ZNF74: variants seen among roughly 807,000 people sequenced by gnomAD.
The protein encoded by ZNF74 is zinc finger protein 520.
A neutral mutation model predicts 17.7 loss-of-function variants in ZNF74; 12 were observed. The ratio of observed to expected loss-of-function variants is 0.68; its 90% CI spans 0.43 to 1.10. The LOEUF (loss-of-function observed/expected upper bound fraction) is 1.10. Ranked by LOEUF, ZNF74 falls within the 50% of genes least tolerant of loss-of-function variation. The pLI is 0.00. For synonymous variants in ZNF74, 358 were observed against 362.1 expected (o/e 0.99, Z 0.13); for missense variants, 811 against 881.0 (o/e 0.92, Z 1.01).
Position 20,406,651 on chromosome 22 carries a change from AACC to A in ZNF74, c.1621_1623del (p.His541del). ...CGAGTGCGGCAGAGCCTTCAGCCAG[AACC>A]ACTGTCTCATTAAACATCAGAAAAT... is the stretch of plus-strand genomic sequence containing the variant. On this transcript the variant is annotated inframe_deletion, in exon 5 of 5. Coordinates refer to ENST00000400451, the MANE Select transcript of ZNF74 (RefSeq NM_003426.4). 6.2e-7 allele frequency: 1 copy of A among 1,614,236 alleles called. No homozygotes were observed. Among genetic ancestry groups the A allele is most frequent in the African/African-American group, 1.3e-5 (1 of 75,060 alleles).
rs555270649 is a variant in ZNF74 at position 20,394,326 on chromosome 22, C to G, written c.-303C>G. ...GAACCTTAGGCCTGGCCCTGGTCTC[C>G]GAGCGCGGGTTCGCCGGGAGGAGCG... On this transcript the variant is annotated 5_prime_UTR_variant, in exon 1 of 5. Coordinates refer to ENST00000400451, the MANE Select transcript of ZNF74 (RefSeq NM_003426.4). The G allele has an allele frequency of 1.4e-6, 1 of 697,364 alleles. No individual in the cohort carries two copies. Among genetic ancestry groups the G allele is most frequent in the Non-Finnish European group, 2.7e-6 (1 of 377,166 alleles). 43.2% of individuals were successfully genotyped at this position (697,364 alleles called of 1,614,324 possible).
chr22:20,405,612 G>A lies in ZNF74; in HGVS notation c.579G>A (p.Glu193=). 1 of 1,613,148 alleles carries A rather than the reference G, an allele frequency of 6.2e-7. No individual in the cohort carries two copies. Residue 193 remains glutamate (E), a synonymous_variant, in exon 5 of 5, where the codon GAG becomes GAA. Coordinates refer to ENST00000400451, the MANE Select transcript of ZNF74 (RefSeq NM_003426.4). ...TCTTCGCCCAGCAACGCGTTCCCGA[G>A]GGGGGACCCTTGCTGGACACACGCA... ...CPLFAQQRVP[E]GGPLLDTRKN... is the part of the protein sequence containing the mutation.
Position 20,407,973 on chromosome 22 carries a change from T to A in ZNF74, c.*1005T>A, listed in dbSNP as rs1439833586. The A allele has an allele frequency of 6.6e-6, 1 of 152,166 alleles. No individual in the cohort carries two copies. Among genetic ancestry groups the A allele is most frequent in the African/African-American group, 2.4e-5 (1 of 41,426 alleles). 9.4% of individuals were successfully genotyped at this position (152,166 alleles called of 1,614,324 possible). ...GCATTCAGGGAAGATGGGCACAACA[T>A]CAGGATGGGTGTGTCTGGAAGCTCC... is the stretch of plus-strand genomic sequence containing the variant. On this transcript the variant is annotated 3_prime_UTR_variant, in exon 5 of 5. Coordinates refer to ENST00000400451, the MANE Select transcript of ZNF74 (RefSeq NM_003426.4).
At chr22:20,394,761 C>T (rs1601262365) in intron 1 of ZNF74, 99 bp downstream of exon 1, 165 of 909,974 alleles carry the variant, frequency 1.8e-4, no homozygotes, top group South Asian at 3.8e-4. Flanking sequence ...CATCCAGCAT[C>T]TTTTTTTTTT....
At position 20,405,591 on chromosome 22, in the gene ZNF74, C is replaced by A. The variant is rs754349423; in HGVS notation, c.558C>A (p.Phe186Leu). The A allele has an allele frequency of 1.2e-6, 2 of 1,612,652 alleles. No homozygotes were observed. The highest frequency in any genetic ancestry group is 1.7e-6 in the Non-Finnish European group (2 of 1,179,294). ...AATTCCCCCTCAGGTGTCCCCTCTT[C>A]GCCCAGCAACGCGTTCCCGAGGGGG... is the stretch of plus-strand genomic sequence containing the variant. ...VEEFPLRCPLFAQQRVPEGGP... is the reference protein window; with the variant it reads ...VEEFPLRCPLLAQQRVPEGGP... The change falls in exon 5 of 5, where the codon TTC becomes TTA. Residue 186 changes from phenylalanine (F) to leucine (L), a missense_variant. This residue lies in a region of ZNF74 where 666 missense variants were observed against 702.3 expected (regional missense o/e 0.95). Transcript: ENST00000400451.
chr22:20,397,054 G>A (rs902890336), intron 2 of ZNF74, among the ~76,000 whole-genome samples: 2 of 145,706 alleles, frequency 1.4e-5, no homozygotes, highest in African/African-American at 2.5e-5. Context: ...TACCTGTGGA[G>A]CTATTTTTTT....
At chr22:20,403,899 G>T (rs923409978) in intron 4 of ZNF74, among the ~76,000 whole-genome samples, 7 of 152,096 alleles carry the variant, frequency 4.6e-5, no homozygotes, top group African/African-American at 1.7e-4. Context: ...ACCTTGCCAG[G>T]GTCACCTCTC....
In ZNF74 at chr22:20,395,495, C is replaced by T. The variant is rs960292396; in HGVS notation, c.120+77C>T. 1.3e-5 allele frequency: 15 copies of T among 1,163,896 alleles called. No individual in the cohort carries two copies. In the African/African-American group the frequency reaches 1.7e-4, roughly 13 times the overall value. 72.1% of individuals were successfully genotyped at this position (1,163,896 alleles called of 1,614,324 possible). A position where few individuals can be genotyped will look rare whatever the true frequency, so the allele number is the denominator to read the frequency against. Reference sequence around the variant, plus strand: ...TCCCCAGCCCTGGATCGTCAGCCTTCCACAGACCTTCACCCGGGTACCTGC... The same window carrying T: ...TCCCCAGCCCTGGATCGTCAGCCTTTCACAGACCTTCACCCGGGTACCTGC... On this transcript the variant is annotated intron_variant, in intron 2 of 4. Transcript: ENST00000400451.
Position 20,405,683 on chromosome 22 carries a change from T to C in ZNF74, c.650T>C (p.Leu217Pro), listed in dbSNP as rs1421646241. ...GGCAGAACCAAGGCCCCCGCGAGACTGTGTGCAGGGGAAAACGCCTCCACG... is the reference window on the plus strand; with the variant it reads ...GGCAGAACCAAGGCCCCCGCGAGACCGTGTGCAGGGGAAAACGCCTCCACG... ...TEGRTKAPAR[L>P]CAGENASTPS... The change falls in exon 5 of 5, where the codon CTG (leucine) becomes CCG (proline). Residue 217 changes from leucine to proline, a missense_variant. Around this residue, in one of 3 missense-constraint regions of ZNF74, gnomAD observed 666 missense variants for 702.3 expected, o/e 0.95. Transcript: ENST00000400451. 1.2e-6 allele frequency: 2 copies of C among 1,609,526 alleles called. No homozygotes were observed. Among genetic ancestry groups the C allele is most frequent in the Admixed American group, 1.7e-5 (1 of 59,326 alleles).
chr22:20,401,237 G>A lies in ZNF74; in HGVS notation c.248-40G>A, dbSNP rs2283787. On this transcript the variant is annotated intron_variant, in intron 3 of 4. Coordinates refer to ENST00000400451, the MANE Select transcript of ZNF74 (RefSeq NM_003426.4). The surrounding 1 kb of genome is among the most constrained non-coding windows in gnomAD (Gnocchi z 4.2). ...GCCTGTAAGGTCGACTGGGCCTGGAGAGCTGCAGCATGCCCAGCCCACTTT... is the reference window on the plus strand; with the variant it reads ...GCCTGTAAGGTCGACTGGGCCTGGAAAGCTGCAGCATGCCCAGCCCACTTT... 35,588 of 1,428,914 alleles carry A rather than the reference G, an allele frequency of 0.025. 4,595 individuals carry two copies. In the East Asian group the frequency reaches 0.34, roughly 14 times the overall value. The allele number at this position is 1,428,914 out of a possible 1,614,324, so 88.5% of individuals were successfully genotyped here.
intron 2 of ZNF74, among the ~76,000 whole-genome samples, chr22:20,398,696 T>A (rs896467803): frequency 6.6e-6 from 1 of 152,180 alleles, no homozygotes; most frequent in African/African-American, 2.4e-5. Flanking sequence ...AGATTTCTGA[T>A]CCTTATTATC....
At chr22:20,397,269 T>C (rs1268726274) in intron 2 of ZNF74, among the ~76,000 whole-genome samples, 2 of 152,094 alleles carry the variant, frequency 1.3e-5, no homozygotes, top group Non-Finnish European at 2.9e-5. Flanking sequence ...CATTTTCTCC[T>C]TCCCTCGGCT....
At chr22:20,396,078 C>T (rs1165697790) in intron 2 of ZNF74, among the ~76,000 whole-genome samples, 3 of 152,100 alleles carry the variant, frequency 2.0e-5, no homozygotes, top group Non-Finnish European at 2.9e-5. Flanking sequence ...GCAACCACCT[C>T]ACCCCATGGT....
At position 20,406,095 on chromosome 22, in the gene ZNF74, C is replaced by T. The variant is rs1485659150; in HGVS notation, c.1062C>T (p.His354=). The T allele has an allele frequency of 6.2e-7, 1 of 1,613,336 alleles. No individual in the cohort carries two copies. The highest frequency in any genetic ancestry group is 1.3e-5 in the African/African-American group (1 of 74,890). Residue 354 remains histidine (H), a synonymous_variant, in exon 5 of 5, where the codon CAC becomes CAT. Transcript: ENST00000400451. ...TGCTCAGCATGCACCTGCGGGTGCA[C>T]ACCGGCGAGAAGCCCTACCGGTGCG... is the stretch of plus-strand genomic sequence containing the variant. ...SSLLSMHLRV[H]TGEKPYRCGE...
Position 20,405,869 on chromosome 22 carries a change from AT to A in ZNF74, c.837del (p.Asp279GlufsTer332). ...AGCCGGGAGAAGGCTTACAAGTGCG[AT>A]GAATGCGGCAAGGCCTTCACCTGGA... ...WHSREKAYKC[D>X]ECGKAFTWST... On this transcript the variant is annotated frameshift_variant, in exon 5 of 5. Transcript: ENST00000400451. LOFTEE classifies it low-confidence loss of function (END_TRUNC). 1 of 1,613,476 alleles carries A rather than the reference AT, an allele frequency of 6.2e-7. No homozygotes were observed. Among genetic ancestry groups the A allele is most frequent in the Non-Finnish European group, 8.5e-7 (1 of 1,179,856 alleles).
Position 20,394,233 on chromosome 22 carries a change from G to T in ZNF74, c.-396G>T. 1.4e-6 allele frequency: 1 copy of T among 701,190 alleles called. No individual in the cohort carries two copies. The allele number at this position is 701,190 out of a possible 1,614,324, so 43.4% of individuals were successfully genotyped here. On this transcript the variant is annotated 5_prime_UTR_variant, in exon 1 of 5. Coordinates refer to ENST00000400451, the MANE Select transcript of ZNF74 (RefSeq NM_003426.4). ...TGTCCACTTGCCGGTCCCTCAGACCGTCGGCGGTCTCTGTCCGCTTCGGGA... is the reference window on the plus strand; with the variant it reads ...TGTCCACTTGCCGGTCCCTCAGACCTTCGGCGGTCTCTGTCCGCTTCGGGA...
chr22:20,394,416 G>A lies in ZNF74; in HGVS notation c.-213G>A, dbSNP rs1010091817. On this transcript the variant is annotated 5_prime_UTR_variant, in exon 1 of 5. Transcript: ENST00000400451. ...GGGGCTGAGCCTGGTGTGGGGAGTGGGTATCTGCGGAGCCGGCCTGAACCC... is the reference window on the plus strand; with the variant it reads ...GGGGCTGAGCCTGGTGTGGGGAGTGAGTATCTGCGGAGCCGGCCTGAACCC... 3 of 636,446 alleles carry A rather than the reference G, an allele frequency of 4.7e-6. No individual in the cohort carries two copies. In the Admixed American group the frequency reaches 7.4e-5, roughly 16 times the overall value. 39.4% of individuals were successfully genotyped at this position (636,446 alleles called of 1,614,324 possible).
At position 20,401,300 on chromosome 22, in the gene ZNF74, G is replaced by A. The variant is rs1034059548; in HGVS notation, c.271G>A (p.Val91Met). The part of the protein sequence containing the change: ...ALGPPLHKPD[V>M]ISHLERGEEP... ...AGGACCTCCACTGCACAAGCCAGATGTGATCTCTCATCTGGAACGAGGCGA... is the reference window on the plus strand; with the variant it reads ...AGGACCTCCACTGCACAAGCCAGATATGATCTCTCATCTGGAACGAGGCGA... The change falls in exon 4 of 5, where the codon GTG becomes ATG. Residue 91 changes from valine (V) to methionine (M), a missense_variant. Coordinates refer to ENST00000400451, the MANE Select transcript of ZNF74 (RefSeq NM_003426.4). This position sits in a 1 kb window ranked among gnomAD's most constrained non-coding sequence, Gnocchi z 4.2. 5.0e-6 allele frequency: 8 copies of A among 1,611,948 alleles called. No individual in the cohort carries two copies. Among genetic ancestry groups the A allele is most frequent in the South Asian group, 1.1e-5 (1 of 90,402 alleles).
At chr22:20,395,205 C>A (rs1279117817) in intron 1 of ZNF74, 128 bp from the exon 2 acceptor site, 1 of 650,178 alleles carries the variant, frequency 1.5e-6, no homozygotes, top group Non-Finnish European at 2.8e-6. Flanking sequence ...TACTGGGGCT[C>A]GTTCCCCACC....
Sources: allele counts gnomAD v4.1 joint callset (sites outside exome capture counted in the v4.1 genomes callset), GRCh38; gene constraint gnomAD v4.1.1; regional missense constraint gnomAD v4.1.1; non-coding constraint Gnocchi (gnomAD v3.1); transcripts MANE v1.5; gene names NCBI Gene and HGNC (gene_info 2026-07-23, HGNC 2026-07-21).